The following CAPN13 variants were observed in gnomAD, a reference collection of about 807,000 sequenced individuals.
CAPN13 encodes calpain-13.
CAPN13 carries 90 observed loss-of-function variants against 98.4 expected under a neutral mutation model. That is an observed-to-expected ratio of 0.92 (90% confidence interval 0.77 to 1.09). The LOEUF is 1.09. Ranked by LOEUF, CAPN13 falls within the 50% of genes least tolerant of loss-of-function variation. The probability of loss-of-function intolerance (pLI) is 0.00; values close to 1 mark genes in which losing one functional copy is unlikely to be tolerated. For missense variants in CAPN13, 887 were observed against 841.3 expected, an observed-to-expected ratio of 1.05 and a Z score of -0.67; for synonymous variants, 330 against 305.5, an observed-to-expected ratio of 1.08 and a Z score of -0.84.
intron 2 of CAPN13, among the ~76,000 whole-genome samples, chr2:30,783,866 T>C (rs1674119109): frequency 6.6e-6 from 1 of 152,158 alleles, no homozygotes; most frequent in African/African-American, 2.4e-5. Flanking sequence ...GGCAGTCAAC[T>C]TTCTAAAAAT....
intron 12 of CAPN13, among the ~76,000 whole-genome samples, chr2:30,744,210 G>C (rs1262375916): frequency 1.3e-5 from 2 of 152,192 alleles, no homozygotes; most frequent in Admixed American, 6.5e-5. Context: ...GTCAAGCATA[G>C]GGATTCCATT....
chr2:30,783,768 CACCTTGGTGCT>C (rs1558336823), intron 2 of CAPN13, among the ~76,000 whole-genome samples: 1 of 152,194 alleles, frequency 6.6e-6, no homozygotes, highest in African/African-American at 2.4e-5. Context: ...TGGCCTAAAA[CACCTTGGTGCT>C]ACCTCAGCCA....
At chr2:30,746,018 A>C (rs755811805) in intron 11 of CAPN13, among the ~76,000 whole-genome samples, 3 of 148,880 alleles carry the variant, frequency 2.0e-5, no homozygotes, top group African/African-American at 7.4e-5. Context: ...CTCCTGCCCA[A>C]GCCTTCTGAG....
chr2:30,770,358 T>C lies in CAPN13; in HGVS notation c.479A>G (p.Gln160Arg), dbSNP rs769149921. 1.2e-6 allele frequency: 2 copies of C among 1,613,902 alleles called. No individual in the cohort carries two copies. The highest frequency in any genetic ancestry group is 2.2e-5 in the East Asian group (1 of 44,892). ...CAGGCAGGGCCAGAACTCTTGGTTT[T>C]GGTGGCGAGGACGCACAAAGAGGCA... ...DKCLFVRPRHQNQEFWPCLLE... is the reference protein window; with the variant it reads ...DKCLFVRPRHRNQEFWPCLLE... Residue 160 changes from glutamine to arginine, a missense_variant, in exon 5 of 23, where the codon CAA (glutamine) becomes CGA (arginine). Coordinates refer to ENST00000295055, the MANE Select transcript of CAPN13 (RefSeq NM_144575.3).
At chr2:30,728,648 T>A (rs1572774331) in intron 22 of CAPN13, among the ~76,000 whole-genome samples, 1 of 152,222 alleles carries the variant, frequency 6.6e-6, no homozygotes, top group African/African-American at 2.4e-5. Context: ...GACAGGCTCC[T>A]GTGGTCCATG....
intron 2 of CAPN13, among the ~76,000 whole-genome samples, chr2:30,784,095 G>T (rs11686300): frequency 6.6e-6 from 1 of 151,534 alleles, no homozygotes; most frequent in Non-Finnish European, 1.5e-5. Context: ...CAGGAGAATC[G>T]CTTGAACCCA....
In CAPN13 at chr2:30,745,109, A is replaced by C. The variant is rs1671841927; in HGVS notation, c.1248+614T>G. On this transcript the variant is annotated intron_variant, in intron 12 of 22. Transcript: ENST00000295055. ...TCTCTTTCATCTGTGGTCCCCAGGC[A>C]GATGCACCTCCCTCTTGGTGGCTCA... 6.8e-6 allele frequency: 3 copies of C among 439,440 alleles called. No homozygotes were observed. The Admixed American group carries it at 7.6e-5, about 11-fold the overall frequency. The allele number at this position is 439,440 out of a possible 1,614,324, so 27.2% of individuals were successfully genotyped here.
chr2:30,806,574 C>A (rs990380410), intron 1 of CAPN13, among the ~76,000 whole-genome samples: 6 of 152,130 alleles, frequency 3.9e-5, no homozygotes, highest in Non-Finnish European at 5.9e-5. Flanking sequence ...TAGTTCATGA[C>A]CCAACTGTAA....
In CAPN13 at chr2:30,751,202, C is replaced by A; in HGVS notation, c.1137G>T (p.Met379Ile). 3 of 1,613,994 alleles carry A rather than the reference C, an allele frequency of 1.9e-6. No individual in the cohort carries two copies. Among genetic ancestry groups the A allele is most frequent in the African/African-American group, 1.3e-5 (1 of 75,054 alleles). Residue 379 changes from methionine (M) to isoleucine (I), a missense_variant, in exon 11 of 23, where the codon ATG becomes ATT. Transcript: ENST00000295055. ...AQFNFSVQEP[M>I]EGTNVVVCVT... ...CGCACACGACAACATTGGTGCCTTC[C>A]ATTGGCTCTTGCACAGAGAAGTTGA...
At chr2:30,776,720 C>A (rs916248908) in intron 3 of CAPN13, among the ~76,000 whole-genome samples, 4 of 152,140 alleles carry the variant, frequency 2.6e-5, no homozygotes, top group African/African-American at 9.7e-5. Flanking sequence ...CCCTTTTGAG[C>A]CTCTCCTCCC....
chr2:30,755,871 G>C (rs1265374495), intron 8 of CAPN13, among the ~76,000 whole-genome samples: 5 of 126,966 alleles, frequency 3.9e-5, no homozygotes, highest in African/African-American at 8.9e-5. Flanking sequence ...ATTGATTCAT[G>C]CAAGTTTGCC....
rs758390182 is a variant in CAPN13 at position 30,745,708 on chromosome 2, G to T, written c.1248+15C>A. On this transcript the variant is annotated intron_variant, in intron 12 of 22. Transcript: ENST00000295055. The stretch of plus-strand genomic sequence containing the variant: ...AGCAGCAGAGGCGCAGGGCAAGGAC[G>T]ACGCTGAGCCATACCTGTGAGCCAG... 6.3e-7 allele frequency: 1 copy of T among 1,596,634 alleles called. No homozygotes were observed. The highest frequency in any genetic ancestry group is 8.5e-7 in the Non-Finnish European group (1 of 1,178,984).
rs370662825 is a variant in CAPN13, at chr2:30,764,267, G to A, written c.564C>T (p.Leu188=). ...GSYSDLHYGF[L]EDALVDLTGG... Reference sequence around the variant, plus strand: ...CTGTGAGGTCCACCAGGGCATCCTCGAGGAAGCCATAGTGCAGATCGGAAT... The same window carrying A: ...CTGTGAGGTCCACCAGGGCATCCTCAAGGAAGCCATAGTGCAGATCGGAAT... The change falls in exon 6 of 23, where the codon CTC becomes CTT. Residue 188 remains leucine (L), a synonymous_variant. Transcript: ENST00000295055. 4.1e-5 allele frequency: 66 copies of A among 1,613,728 alleles called. No homozygotes were observed. The African/African-American group carries it at 6.8e-4, about 17-fold the overall frequency.
At chr2:30,795,788 A>G (rs1374078692) in intron 1 of CAPN13, among the ~76,000 whole-genome samples, 1 of 152,086 alleles carries the variant, frequency 6.6e-6, no homozygotes, top group East Asian at 1.9e-4. Flanking sequence ...ATTTGCTTTA[A>G]GTTTAATTTT....
At chr2:30,724,307 G>C (rs1245252425) in intron 22 of CAPN13, among the ~76,000 whole-genome samples, 1 of 152,072 alleles carries the variant, frequency 6.6e-6, no homozygotes, top group Non-Finnish European at 1.5e-5. Context: ...CTTAGTTTAA[G>C]TCATTATCCT....
At chr2:30,770,509 C>T in intron 4 of CAPN13, 60 bp from the exon 5 acceptor site, 1 of 1,580,544 alleles carries the variant, frequency 6.3e-7, no homozygotes, top group Non-Finnish European at 8.6e-7. Context: ...CTCCTGGGTC[C>T]CCCAACCTAA....
chr2:30,758,773 CCTCCCTCCCTCCCTTTCCTTT>C (rs1672598357), intron 7 of CAPN13, among the ~76,000 whole-genome samples: 1 of 41,052 alleles, frequency 2.4e-5, no homozygotes, highest in African/African-American at 1.1e-4. Flanking sequence ...TCCTTTCCTT[CCTCCCTCCCTCCCTTTCCTTT>C]CCTTCCTCCC....
intron 1 of CAPN13, among the ~76,000 whole-genome samples, chr2:30,805,785 G>C (rs1675587626): frequency 7.5e-6 from 1 of 132,678 alleles, no homozygotes; most frequent in African/African-American, 2.9e-5. Flanking sequence ...TGTCACTCAG[G>C]CTGGAGTGCA....
chr2:30,748,971 T>TGCAC (rs1320690816), intron 11 of CAPN13, among the ~76,000 whole-genome samples: 1 of 152,096 alleles, frequency 6.6e-6, no homozygotes, highest in African/African-American at 2.4e-5. Context: ...CAGAAAGGCA[T>TGCAC]GCACCTAAGC....
Sources: gnomAD v4.1 joint callset for allele counts (sites outside exome capture counted in the v4.1 genomes callset) on GRCh38, gnomAD v4.1.1 for gene constraint, MANE v1.5 for transcripts, NCBI Gene and HGNC (gene_info 2026-07-23, HGNC 2026-07-21) for gene names.